Variants in STPG2 observed in about 807,000 individuals in gnomAD.
The protein encoded by STPG2 is sperm tail PG-rich repeat containing 2.
A neutral mutation model predicts 54.2 loss-of-function variants in STPG2; 56 were observed. The ratio of observed to expected loss-of-function variants is 1.03; its 90% CI spans 0.83 to 1.29. The LOEUF (loss-of-function observed/expected upper bound fraction) is 1.29. Ranked by LOEUF, STPG2 falls within the 50% of genes most tolerant of loss-of-function variation. The pLI is 0.00. For synonymous variants in STPG2, 200 were observed against 181.8 expected (o/e 1.10, Z -0.81); for missense variants, 596 against 544.9 (o/e 1.09, Z -0.93).
At chr4:97,964,973 T>A (rs761948665) in intron 7 of STPG2, among the ~76,000 whole-genome samples, 1 of 152,140 alleles carries the variant, frequency 6.6e-6, no homozygotes, top group African/African-American at 2.4e-5. Flanking sequence ...ACCTGGTTCA[T>A]CTCACTGGGA....
At chr4:97,540,341 A>C (rs1731663336) in intron 4 of STPG2, among the ~76,000 whole-genome samples, 1 of 152,202 alleles carries the variant, frequency 6.6e-6, no homozygotes, top group Non-Finnish European at 1.5e-5. Context: ...AGAATACTAT[A>C]AACACCTCTA....
chr4:97,879,297 C>T (rs1390151251), intron 8 of STPG2, among the ~76,000 whole-genome samples: 1 of 152,170 alleles, frequency 6.6e-6, no homozygotes, highest in East Asian at 1.9e-4. Flanking sequence ...ATCTTTATAG[C>T]AGTGCCCCAC....
chr4:97,732,903 A>G (rs1430638098), intron 9 of STPG2, among the ~76,000 whole-genome samples: 1 of 152,216 alleles, frequency 6.6e-6, no homozygotes, highest in Non-Finnish European at 1.5e-5. Flanking sequence ...TACTCCTGTA[A>G]GAATGGTCAT....
intron 4 of STPG2, among the ~76,000 whole-genome samples, chr4:97,535,642 G>A (rs1731511562): frequency 6.6e-6 from 1 of 152,084 alleles, no homozygotes; most frequent in Non-Finnish European, 1.5e-5. Flanking sequence ...TGTATAAAGT[G>A]TGACCCTTTT....
intron 9 of STPG2, among the ~76,000 whole-genome samples, chr4:97,795,278 T>C (rs1312938869): frequency 6.6e-6 from 1 of 152,214 alleles, no homozygotes; most frequent in Non-Finnish European, 1.5e-5. Context: ...ACATGTGCCA[T>C]GTTGGTGTGC....
chr4:97,616,061 T>C (rs1299949618), intron 10 of STPG2, among the ~76,000 whole-genome samples: 47 of 49,106 alleles, frequency 9.6e-4, no homozygotes, highest in African/African-American at 3.2e-3. Context: ...CATATAAATA[T>C]ATATATATAT....
intron 10 of STPG2, among the ~76,000 whole-genome samples, chr4:97,608,830 T>C (rs1733658474): frequency 6.6e-6 from 1 of 152,110 alleles, no homozygotes; most frequent in African/African-American, 2.4e-5. Flanking sequence ...TTTAAATATG[T>C]GTTCTAAAAG....
intron 8 of STPG2, among the ~76,000 whole-genome samples, chr4:97,842,481 T>C (rs1376862500): frequency 6.6e-6 from 1 of 151,906 alleles, no homozygotes; most frequent in East Asian, 1.9e-4. Context: ...AGGAAAGCTT[T>C]GCGAAGATCT....
At chr4:97,941,941 G>A (rs1732999932) in intron 8 of STPG2, among the ~76,000 whole-genome samples, 1 of 151,822 alleles carries the variant, frequency 6.6e-6, no homozygotes, top group African/African-American at 2.4e-5. Context: ...AATTGCAAAT[G>A]TTTCATGTCA....
chr4:98,136,747 G>C (rs952603348), intron 1 of STPG2, among the ~76,000 whole-genome samples: 1 of 151,564 alleles, frequency 6.6e-6, no homozygotes, highest in Admixed American at 6.6e-5. Flanking sequence ...TACTTTGTGA[G>C]GCTTATTTAC....
chr4:98,099,652 C>A (rs1738967340), intron 5 of STPG2, among the ~76,000 whole-genome samples: 1 of 152,094 alleles, frequency 6.6e-6, no homozygotes, highest in Non-Finnish European at 1.5e-5. Flanking sequence ...AAAGGATATG[C>A]ACTTAAGGGG....
chr4:98,007,416 C>A (rs991169), intron 5 of STPG2, among the ~76,000 whole-genome samples: 59,918 of 151,930 alleles, frequency 0.39, 12,042 homozygotes, highest in Middle Eastern at 0.46. Context: ...AAGCCAAACA[C>A]CCCTACTCAG....
chr4:97,722,319 C>T (rs937333911), intron 9 of STPG2, among the ~76,000 whole-genome samples: 1 of 152,084 alleles, frequency 6.6e-6, no homozygotes, highest in African/African-American at 2.4e-5. Context: ...ATGGTGAGTT[C>T]TACACTTAGA....
At chr4:97,968,956 CA>C (rs1264735578) in intron 7 of STPG2, among the ~76,000 whole-genome samples, 1 of 152,086 alleles carries the variant, frequency 6.6e-6, no homozygotes, top group African/African-American at 2.4e-5. Flanking sequence ...ATTCCTATCC[CA>C]AAAAAGCAAA....
chr4:97,906,609 A>T (rs1451815588), intron 8 of STPG2, among the ~76,000 whole-genome samples: 1 of 152,168 alleles, frequency 6.6e-6, no homozygotes, highest in Non-Finnish European at 1.5e-5. Flanking sequence ...TTGATGCAAA[A>T]ATCCTCAATA....
intron 8 of STPG2, among the ~76,000 whole-genome samples, chr4:97,874,145 A>T (rs1406871562): frequency 6.6e-6 from 1 of 151,688 alleles, no homozygotes; most frequent in Non-Finnish European, 1.5e-5. Flanking sequence ...ATCAAAATAA[A>T]GGGTTAATTT....
intron 8 of STPG2, among the ~76,000 whole-genome samples, chr4:97,905,428 G>A (rs1451700731): frequency 4.6e-5 from 7 of 151,402 alleles, no homozygotes; most frequent in East Asian, 1.9e-4. Flanking sequence ...TCACCACCAG[G>A]CCTGCCCTAA....
At position 97,840,921 on chromosome 4, in the gene STPG2, C is replaced by G; in HGVS notation, c.1056G>C (p.Ala352=). ...ATTTGTGAACATCATAGCTGCCTGG[C>G]GCTGGAATAACCTGAAAAAAAATTT... ...TMKVPDMVIP[A]PGSYDVHKSY... is the part of the protein sequence containing the mutation. The change falls in exon 9 of 11, where the codon GCG becomes GCC. Residue 352 remains alanine, a synonymous_variant. Transcript: ENST00000295268. 6.2e-7 allele frequency: 1 copy of G among 1,609,748 alleles called. No homozygotes were observed. Among genetic ancestry groups the G allele is most frequent in the Non-Finnish European group, 8.5e-7 (1 of 1,177,754 alleles).
chr4:97,945,436 A>T (rs1048047353), intron 7 of STPG2, among the ~76,000 whole-genome samples: 3 of 152,110 alleles, frequency 2.0e-5, no homozygotes, highest in African/African-American at 7.2e-5. Flanking sequence ...TATATATACC[A>T]CATTTTTTCT....
Sources: gnomAD v4.1 joint callset for allele counts (sites outside exome capture counted in the v4.1 genomes callset) on GRCh38, gnomAD v4.1.1 for gene constraint, MANE v1.5 for transcripts, NCBI Gene and HGNC (gene_info 2026-07-23, HGNC 2026-07-21) for gene names.